Variants in ZNF407 observed in about 807,000 individuals in gnomAD.
The protein encoded by ZNF407 is zinc finger protein 407.
In ZNF407, 17 loss-of-function variants were observed where a neutral mutation model predicts 131.2. That is an observed-to-expected ratio of 0.13 (90% CI 0.09 to 0.19). The LOEUF (loss-of-function observed/expected upper bound fraction) is 0.19, where lower values mean the gene tolerates loss of function less well. ZNF407 is among the 10% of genes least tolerant of loss of function. The probability of loss-of-function intolerance (pLI) is 1.00; values close to 1 mark genes in which losing one functional copy is unlikely to be tolerated. For missense variants in ZNF407, 2,681 were observed against 2,830.6 expected (o/e 0.95, Z 1.20); for synonymous variants, 1,156 against 1,062.0 (o/e 1.09, Z -1.72).
At chr18:74,658,589 T>C (rs910496414) in intron 3 of ZNF407, among the ~76,000 whole-genome samples, 2 of 152,202 alleles carry the variant, frequency 1.3e-5, no homozygotes, top group South Asian at 4.1e-4. Context: ...AACTGTGATG[T>C]GTAAAATGCT....
intron 3 of ZNF407, among the ~76,000 whole-genome samples, chr18:74,766,028 T>A (rs1969222442): frequency 4.4e-4 from 1 of 2,276 alleles, no homozygotes; most frequent in Non-Finnish European, 3.8e-3. Flanking sequence ...TGTGTGTGTG[T>A]GTGTGTGTGT....
chr18:74,768,644 A>G (rs1969295214), intron 3 of ZNF407, among the ~76,000 whole-genome samples: 1 of 152,188 alleles, frequency 6.6e-6, no homozygotes, highest in South Asian at 2.1e-4. Context: ...AGACTTCTGT[A>G]TACTGTATAT....
chr18:74,947,400 T>C (rs753140469), intron 8 of ZNF407, among the ~76,000 whole-genome samples: 8 of 152,138 alleles, frequency 5.3e-5, no homozygotes, highest in Non-Finnish European at 8.8e-5. Context: ...TGCACCTAAA[T>C]TGGGAATTTC....
At position 74,943,604 on chromosome 18, in the gene ZNF407, A is replaced by G. The variant is rs928317122; in HGVS notation, c.5428+22912A>G. Reference sequence around the variant, plus strand: ...TTGAATTTACATTATTAGTTGATCAATACGTTAGACTGTTTGGTGAAATTT... The same window carrying G: ...TTGAATTTACATTATTAGTTGATCAGTACGTTAGACTGTTTGGTGAAATTT... On this transcript the variant is annotated intron_variant, in intron 8 of 8. Coordinates refer to ENST00000299687, the MANE Select transcript of ZNF407 (RefSeq NM_017757.3). Among the ~76,000 whole-genome samples the G allele has an allele frequency of 9.9e-5, 15 of 152,244 alleles. 1 individual carries two copies. The highest frequency in any genetic ancestry group is 9.2e-4 in the Admixed American group (14 of 15,286).
intron 8 of ZNF407, among the ~76,000 whole-genome samples, chr18:74,988,773 G>A (rs1385040562): frequency 2.6e-5 from 4 of 152,148 alleles, no homozygotes; most frequent in African/African-American, 9.7e-5. Context: ...ACGAGGAGAT[G>A]CCACTACATA....
At chr18:74,991,450 T>C (rs1386531085) in intron 8 of ZNF407, among the ~76,000 whole-genome samples, 2 of 152,222 alleles carry the variant, frequency 1.3e-5, no homozygotes, top group Non-Finnish European at 2.9e-5. Flanking sequence ...TAGGCCATTT[T>C]CTTTCTAAGA....
intron 8 of ZNF407, among the ~76,000 whole-genome samples, chr18:75,019,726 A>G (rs984392642): frequency 1.3e-5 from 2 of 152,166 alleles, no homozygotes; most frequent in African/African-American, 4.8e-5. Flanking sequence ...ATTGACTCAC[A>G]GTTCCACAGG....
At chr18:74,602,852 A>G (rs916331511) in intron 1 of ZNF407, among the ~76,000 whole-genome samples, 17 of 152,166 alleles carry the variant, frequency 1.1e-4, no homozygotes, top group African/African-American at 4.1e-4. Context: ...AGGGTAGGAT[A>G]AACACATTGC....
chr18:74,968,072 C>G (rs1391261030), intron 8 of ZNF407, among the ~76,000 whole-genome samples: 2 of 152,086 alleles, frequency 1.3e-5, no homozygotes, highest in Non-Finnish European at 2.9e-5. Flanking sequence ...GGAGCAAGTC[C>G]TGGACATCAG....
intron 1 of ZNF407, among the ~76,000 whole-genome samples, chr18:74,599,265 A>G (rs1299796760): frequency 2.0e-5 from 3 of 152,214 alleles, no homozygotes; most frequent in African/African-American, 7.2e-5. Context: ...CGTGACATGT[A>G]AGGCAGGTGT....
chr18:74,634,402 C>G lies in ZNF407; in HGVS notation c.3383C>G (p.Ser1128Cys), dbSNP rs1336450459. The G allele has an allele frequency of 2.5e-6, 4 of 1,613,578 alleles. No homozygotes were observed. The highest frequency in any genetic ancestry group is 2.2e-5 in the East Asian group (1 of 44,888). ...TLKSRNAADC[S>C]ILNENTNLDM... Reference sequence around the variant, plus strand: ...AAATCTAGAAATGCTGCAGATTGCTCTATTTTAAATGAGAATACTAATTTA... The same window carrying G: ...AAATCTAGAAATGCTGCAGATTGCTGTATTTTAAATGAGAATACTAATTTA... Residue 1128 changes from serine to cysteine, a missense_variant, in exon 2 of 9, where the codon TCT becomes TGT. Ser to Cys is a moderately radical substitution (Grantham distance 112). Around this residue, in one of 6 missense-constraint regions of ZNF407, gnomAD observed 1,789 missense variants for 1,748.7 expected, o/e 1.02. Coordinates refer to ENST00000299687, the MANE Select transcript of ZNF407 (RefSeq NM_017757.3).
chr18:74,610,079 T>G (rs1982987837), intron 1 of ZNF407, among the ~76,000 whole-genome samples: 1 of 152,214 alleles, frequency 6.6e-6, no homozygotes, highest in Admixed American at 6.5e-5. Flanking sequence ...GTAAGCTTCT[T>G]GGAGGCAGGG....
chr18:74,707,414 A>AT (rs1244061700), intron 3 of ZNF407, among the ~76,000 whole-genome samples: 4 of 151,836 alleles, frequency 2.6e-5, no homozygotes, highest in Admixed American at 1.3e-4. Flanking sequence ...CAGACTTCAA[A>AT]TTTTTTTTGG....
chr18:74,676,620 G>C (rs935930477), intron 3 of ZNF407, among the ~76,000 whole-genome samples: 7 of 151,384 alleles, frequency 4.6e-5, no homozygotes, highest in East Asian at 3.9e-4. Flanking sequence ...ATTTTTAGTA[G>C]AGACGGGGTT....
At chr18:74,721,723 G>A (rs1599098584) in intron 3 of ZNF407, among the ~76,000 whole-genome samples, 1 of 152,232 alleles carries the variant, frequency 6.6e-6, no homozygotes, top group South Asian at 2.1e-4. Context: ...ACCATTTAAT[G>A]TAATACCACT....
At chr18:74,866,852 A>C (rs1001411977) in intron 4 of ZNF407, among the ~76,000 whole-genome samples, 2 of 148,658 alleles carry the variant, frequency 1.3e-5, no homozygotes, top group African/African-American at 4.9e-5. Context: ...TATTTTATTC[A>C]TTGATATTTA....
chr18:75,043,792 A>C (rs567466034), intron 8 of ZNF407, among the ~76,000 whole-genome samples: 1 of 152,350 alleles, frequency 6.6e-6, no homozygotes, highest in African/African-American at 2.4e-5. Context: ...TCACTTGCCA[A>C]GTAAAGAGTC....
intron 4 of ZNF407, among the ~76,000 whole-genome samples, chr18:74,867,794 A>T (rs1971034552): frequency 6.6e-6 from 1 of 152,224 alleles, no homozygotes; most frequent in Non-Finnish European, 1.5e-5. Context: ...TACAGTATAA[A>T]TTCCTTACTA....
chr18:74,893,216 G>C (rs1379847938), intron 7 of ZNF407, among the ~76,000 whole-genome samples: 2 of 152,026 alleles, frequency 1.3e-5, no homozygotes, highest in African/African-American at 4.8e-5. Flanking sequence ...TAACTATATT[G>C]TTACTGTTCT....
Sources: allele counts gnomAD v4.1 joint callset (sites outside exome capture counted in the v4.1 genomes callset), GRCh38; gene constraint gnomAD v4.1.1; regional missense constraint gnomAD v4.1.1; transcripts MANE v1.5; gene names NCBI Gene and HGNC (gene_info 2026-07-23, HGNC 2026-07-21).